LRRC43: variants seen among roughly 807,000 people sequenced by gnomAD.
LRRC43 encodes the protein leucine-rich repeat-containing protein 43.
In LRRC43, 62 loss-of-function variants were observed where a neutral mutation model predicts 64.3. The ratio of observed to expected loss-of-function variants is 0.96; its 90% CI spans 0.79 to 1.19. The LOEUF is 1.19. Among genes scored for constraint, LRRC43 ranks in the 50% most tolerant of loss-of-function variants. The probability of loss-of-function intolerance (pLI) is 0.00; values close to 1 mark genes in which losing one functional copy is unlikely to be tolerated. For synonymous variants in LRRC43, 422 were observed against 382.3 expected, an observed-to-expected ratio of 1.10 and a Z score of -1.21; for missense variants, 868 against 845.0, an observed-to-expected ratio of 1.03 and a Z score of -0.34.
At chr12:122,198,049 C>T (rs1953789645) in intron 7 of LRRC43, among the ~76,000 whole-genome samples, 1 of 151,896 alleles carries the variant, frequency 6.6e-6, no homozygotes, top group Non-Finnish European at 1.5e-5. Flanking sequence ...GGTGTGCTCT[C>T]GGCTCACCAC....
chr12:122,183,408 C>A, intron 1 of LRRC43, 114 bp downstream of exon 1: 2 of 1,198,104 alleles, frequency 1.7e-6, no homozygotes, highest in Non-Finnish European at 2.2e-6. Flanking sequence ...ATTCTGGGGG[C>A]CGCCGACATG....
At chr12:122,194,847 C>T (rs1178367747) in intron 7 of LRRC43, among the ~76,000 whole-genome samples, 1 of 152,154 alleles carries the variant, frequency 6.6e-6, no homozygotes, top group African/African-American at 2.4e-5. Context: ...AAATATATTA[C>T]ATTTCTACAT....
At chr12:122,182,308 G>A (rs976476331), upstream of LRRC43, among the ~76,000 whole-genome samples, 2 of 152,072 alleles carry the variant, frequency 1.3e-5, no homozygotes, top group African/African-American at 4.8e-5. Context: ...TGGATCACCT[G>A]AGGTCAGGAG....
chr12:122,175,449 G>A (rs1227937512), intron 1 of LRRC43, among the ~76,000 whole-genome samples: 2 of 151,634 alleles, frequency 1.3e-5, no homozygotes, highest in African/African-American at 4.8e-5. Context: ...TTACAGGTGC[G>A]AGCCACCACT....
At chr12:122,190,406 A>C in intron 5 of LRRC43, 38 bp downstream of exon 5, 1 of 1,524,602 alleles carries the variant, frequency 6.6e-7, no homozygotes, top group Non-Finnish European at 9.0e-7. Context: ...GTGGCATGTG[A>C]CACCCCAGCC....
intron 1 of LRRC43, chr12:122,172,718 G>A (rs757429634): frequency 5.0e-6 from 8 of 1,612,460 alleles, no homozygotes; most frequent in South Asian, 1.1e-5. Flanking sequence ...TCTGGGACAC[G>A]AGCACGCCCT....
Position 122,190,347 on chromosome 12 carries a change from C to T in LRRC43, c.880C>T (p.Arg294Trp), listed in dbSNP as rs746696882. 18 of 1,613,816 alleles carry T rather than the reference C, an allele frequency of 1.1e-5. No individual in the cohort carries two copies. The highest frequency in any genetic ancestry group is 4.5e-5 in the East Asian group (2 of 44,882). ...GTCTCCCAATGAGAAGCATCTCTTCCGGGGGCTCAGCCTCAATGGCGGTGA... is the reference window on the plus strand; with the variant it reads ...GTCTCCCAATGAGAAGCATCTCTTCTGGGGGCTCAGCCTCAATGGCGGTGA... The part of the protein sequence containing the change: ...TVSPNEKHLF[R>W]GLSLNGDLLA... The change falls in exon 5 of 12, where the codon CGG (arginine) becomes TGG (tryptophan). Residue 294 changes from arginine (R) to tryptophan (W), a missense_variant. Physicochemically the swap from Arg to Trp is moderately radical, Grantham distance 101. Coordinates refer to ENST00000339777, the MANE Select transcript of LRRC43 (RefSeq NM_001098519.2).
At position 122,184,393 on chromosome 12, in the gene LRRC43, C is replaced by T. The variant is rs564157828; in HGVS notation, c.151-126C>T. On this transcript the variant is annotated intron_variant, in intron 1 of 11. Transcript: ENST00000339777. The surrounding 1 kb of genome is among the most constrained non-coding windows in gnomAD (Gnocchi z 4.0). ...ACAGGCATGAGCCACCGCACCTGGC[C>T]TACTCTCTAGATTTCTAAACTCTAT... 29 of 1,255,368 alleles carry T rather than the reference C, an allele frequency of 2.3e-5. No homozygotes were observed. The South Asian group carries it at 3.8e-4, about 16-fold the overall frequency. The allele number at this position is 1,255,368 out of a possible 1,614,324, so 77.8% of individuals were successfully genotyped here.
chr12:122,195,275 G>A (rs1454657788), intron 7 of LRRC43, among the ~76,000 whole-genome samples: 1 of 151,180 alleles, frequency 6.6e-6, no homozygotes, highest in Admixed American at 6.6e-5. Context: ...TTGAGAGGGA[G>A]TCTCGCCCTG....
In LRRC43 at chr12:122,191,546, G is replaced by A. The variant is rs368130865; in HGVS notation, c.1068G>A (p.Glu356=). ...AAGATGAAGAAGGCGAAATGAATGA[G>A]TCCGCGGGCGTCCTGGCCGAGGTGT... ...FVKDEEGEMN[E]SAGVLAEIVK... The change falls in exon 6 of 12, where the codon GAG becomes GAA. Residue 356 remains glutamate (E), a synonymous_variant. Transcript: ENST00000339777. 64 of 1,613,884 alleles carry A rather than the reference G, an allele frequency of 4.0e-5. No homozygotes were observed. The African/African-American group carries it at 7.7e-4, about 20-fold the overall frequency.
In LRRC43 at chr12:122,187,823, C is replaced by T. The variant is rs758326623; in HGVS notation, c.645C>T (p.Tyr215=). 2.4e-5 allele frequency: 38 copies of T among 1,614,010 alleles called. No homozygotes were observed. Among genetic ancestry groups the T allele is most frequent in the East Asian group, 6.7e-5 (3 of 44,884 alleles). ...NKLLGPLESL[Y]VTANHWPNLV... ...TTCTAGGCCCCTTGGAAAGTCTCTA[C>T]GTCACCGCTAATCACTGGTAACTCG... is the stretch of plus-strand genomic sequence containing the variant. Residue 215 remains tyrosine, a synonymous_variant, in exon 4 of 12, where the codon TAC becomes TAT. Coordinates refer to ENST00000339777, the MANE Select transcript of LRRC43 (RefSeq NM_001098519.2).
chr12:122,179,479 G>A (rs959200358), upstream of LRRC43, among the ~76,000 whole-genome samples: 1 of 152,138 alleles, frequency 6.6e-6, no homozygotes, highest in African/African-American at 2.4e-5. Context: ...GCTGTTGGAC[G>A]TGTGGATCTG....
upstream of LRRC43, among the ~76,000 whole-genome samples, chr12:122,182,357 C>G (rs1953589020): frequency 6.6e-6 from 1 of 152,038 alleles, no homozygotes; most frequent in Non-Finnish European, 1.5e-5. Flanking sequence ...AACCCCGTCT[C>G]TACTAAAAAT....
intron 4 of LRRC43, among the ~76,000 whole-genome samples, chr12:122,189,907 T>C (rs1348341982): frequency 6.6e-6 from 1 of 152,200 alleles, no homozygotes; most frequent in Non-Finnish European, 1.5e-5. Flanking sequence ...GGGGCGTCTC[T>C]GTGACTCCAA....
upstream of LRRC43, among the ~76,000 whole-genome samples, chr12:122,179,183 C>T (rs1281219810): frequency 3.9e-5 from 6 of 152,160 alleles, no homozygotes; most frequent in Admixed American, 3.9e-4. Flanking sequence ...CAGCCTCAAA[C>T]TCCCAGGCTC....
chr12:122,203,329 G>T lies in LRRC43; in HGVS notation c.1858G>T (p.Val620Leu). ...AATTTTCTCAGAAAAGCCGAAAGCC[G>T]TGATTCCGATCTACGAAGGCGATTA... ...KVAKKEKPKA[V>L]IPIYEGDYHP... Residue 620 changes from valine (V) to leucine (L), a missense_variant, in exon 12 of 12, where the codon GTG becomes TTG. Coordinates refer to ENST00000339777, the MANE Select transcript of LRRC43 (RefSeq NM_001098519.2). 6.2e-7 allele frequency: 1 copy of T among 1,612,686 alleles called. No homozygotes were observed. The highest frequency in any genetic ancestry group is 2.2e-5 in the East Asian group (1 of 44,856).
chr12:122,170,492 G>A (rs964202090), intron 1 of LRRC43, among the ~76,000 whole-genome samples: 1 of 152,038 alleles, frequency 6.6e-6, no homozygotes, highest in Admixed American at 6.6e-5. Flanking sequence ...TTAGCCGGGC[G>A]TGGTGGCGGG....
At chr12:122,197,776 G>T (rs1196215410) in intron 7 of LRRC43, among the ~76,000 whole-genome samples, 2 of 151,984 alleles carry the variant, frequency 1.3e-5, no homozygotes, top group Non-Finnish European at 2.9e-5. Context: ...ATTTGAGGAA[G>T]ATGACTGCAG....
Position 122,202,860 on chromosome 12 carries a change from G to C in LRRC43, c.1844-455G>C, listed in dbSNP as rs138318627. Among the ~76,000 whole-genome samples the C allele has an allele frequency of 1.0e-2, 1,522 of 152,276 alleles. 21 individuals are homozygous for C. Among genetic ancestry groups the C allele is most frequent in the African/African-American group, 0.035 (1,441 of 41,538 alleles). On this transcript the variant is annotated intron_variant, in intron 11 of 11. Transcript: ENST00000339777. ...TGATCCTAGCACGTTGGGAGGCCTAGGCAGGCGGATCACTTGAGGTCAGGA... is the reference window on the plus strand; with the variant it reads ...TGATCCTAGCACGTTGGGAGGCCTACGCAGGCGGATCACTTGAGGTCAGGA...
Sources: allele counts gnomAD v4.1 joint callset (sites outside exome capture counted in the v4.1 genomes callset), GRCh38; gene constraint gnomAD v4.1.1; non-coding constraint Gnocchi (gnomAD v3.1); transcripts MANE v1.5; gene names NCBI Gene and HGNC (gene_info 2026-07-23, HGNC 2026-07-21).